The following USP42 variants were observed in gnomAD, a reference collection of about 807,000 sequenced individuals.
The protein encoded by USP42 is ubiquitin specific peptidase 42, also known as ubiquitin carboxyl-terminal hydrolase 42.
A neutral mutation model predicts 113.0 loss-of-function variants in USP42; 23 were observed. That is an observed-to-expected ratio of 0.20 (90% confidence interval 0.15 to 0.29). The LOEUF (loss-of-function observed/expected upper bound fraction) is 0.29, where lower values mean the gene tolerates loss of function less well. Among genes scored for constraint, USP42 ranks in the 10% least tolerant of loss-of-function variants. The probability of loss-of-function intolerance (pLI) is 1.00; values close to 1 mark genes in which losing one functional copy is unlikely to be tolerated. For synonymous variants in USP42, 933 were observed against 699.0 expected, an observed-to-expected ratio of 1.33 and a Z score of -5.28; for missense variants, 2,174 against 1,779.8, an observed-to-expected ratio of 1.22 and a Z score of -3.99.
chr7:6,105,800 A>G (rs1464346719), intron 1 of USP42, among the ~76,000 whole-genome samples: 1 of 152,206 alleles, frequency 6.6e-6, no homozygotes. Flanking sequence ...ATTGGACGGA[A>G]CAAGTTTTCC....
intron 1 of USP42, among the ~76,000 whole-genome samples, chr7:6,106,912 A>T (rs1339649093): frequency 6.6e-6 from 1 of 152,158 alleles, no homozygotes; most frequent in Non-Finnish European, 1.5e-5. Context: ...ATATCATCAG[A>T]AGCTGTTGCT....
rs1782580969 is a variant in USP42 at position 6,158,365 on chromosome 7, G to C, written c.3944-1085G>C. Among the ~76,000 whole-genome samples, 1 of 151,898 alleles carries C rather than the reference G, an allele frequency of 6.6e-6. No homozygotes were observed. The highest frequency in any genetic ancestry group is 1.5e-5 in the Non-Finnish European group (1 of 68,032). On this transcript the variant is annotated intron_variant, in intron 16 of 17. Transcript: ENST00000306177. This position sits in a 1 kb window ranked among gnomAD's most constrained non-coding sequence, Gnocchi z 4.2. ...CTGGACGCCCATTGTTTGTGTTCAC[G>C]TGTGAAGCGCATCCCCTCCTCCCAG...
At chr7:6,150,688 T>A (rs1293630573) in intron 14 of USP42, among the ~76,000 whole-genome samples, 182 bp downstream of exon 14, 1 of 152,208 alleles carries the variant, frequency 6.6e-6, no homozygotes, top group Admixed American at 6.5e-5. Flanking sequence ...AGAAAAAATG[T>A]GGCATACAGG....
chr7:6,149,920 C>G lies in USP42; in HGVS notation c.1724C>G (p.Ser575Cys), dbSNP rs1781941184. 2.5e-6 allele frequency: 4 copies of G among 1,613,936 alleles called. No individual in the cohort carries two copies. Among genetic ancestry groups the G allele is most frequent in the African/African-American group, 1.3e-5 (1 of 74,928 alleles). Residue 575 changes from serine to cysteine, a missense_variant, in exon 13 of 18, where the codon TCT becomes TGT. Ser to Cys is a moderately radical substitution (Grantham distance 112). Transcript: ENST00000306177. The part of the protein sequence containing the change: ...STSNASTMSV[S>C]SKVTKPIPRS... ...TCGAACGCATCTACGATGTCAGTTTCTAGTAAAGTAACAAAACCGATCCCC... is the reference window on the plus strand; with the variant it reads ...TCGAACGCATCTACGATGTCAGTTTGTAGTAAAGTAACAAAACCGATCCCC...
At chr7:6,102,933 G>A (rs574710481), upstream of USP42, among the ~76,000 whole-genome samples, 1 of 151,038 alleles carries the variant, frequency 6.6e-6, no homozygotes, top group Non-Finnish European at 1.5e-5. Context: ...TGGAATTGTT[G>A]AGCGAAGAAA....
chr7:6,139,322 T>C lies in USP42; in HGVS notation c.656+128T>C. The C allele has an allele frequency of 1.5e-6, 1 of 654,514 alleles. No homozygotes were observed. The highest frequency in any genetic ancestry group is 2.5e-6 in the Non-Finnish European group (1 of 408,120). 40.5% of individuals were successfully genotyped at this position (654,514 alleles called of 1,614,324 possible). A position where few individuals can be genotyped will look rare whatever the true frequency, so the allele number is the denominator to read the frequency against. ...ACAGTGTTCACTTTACCTTTTGGCT[T>C]TGCTCTGCCTCTTCCTTAGGTGATG... On this transcript the variant is annotated intron_variant, in intron 5 of 17. Coordinates refer to ENST00000306177, the MANE Select transcript of USP42 (RefSeq NM_032172.3). The surrounding 1 kb of genome is among the most constrained non-coding windows in gnomAD (Gnocchi z 4.5).
At chr7:6,152,757 C>A (rs555183240) in intron 14 of USP42, among the ~76,000 whole-genome samples, 1 of 152,168 alleles carries the variant, frequency 6.6e-6, no homozygotes, top group African/African-American at 2.4e-5. Flanking sequence ...GAAAGCTCTG[C>A]GGGAATCAAA....
Position 6,154,644 on chromosome 7 carries a change from G to GCA in USP42, c.3090_3091insCA (p.Asp1031GlnfsTer111), listed in dbSNP as rs1562857482. 1 of 1,605,438 alleles carries GCA rather than the reference G, an allele frequency of 6.2e-7. No individual in the cohort carries two copies. Among genetic ancestry groups the GCA allele is most frequent in the East Asian group, 2.2e-5 (1 of 44,562 alleles). On this transcript the variant is annotated frameshift_variant, in exon 15 of 18. Transcript: ENST00000306177. LOFTEE classifies it high-confidence loss of function. Reference sequence around the variant, plus strand: ...CCCGACACCGGAGCGGGGTGGAGCTGGACTGGGTCAGACACCACTACACCG... The same window carrying GCA: ...CCCGACACCGGAGCGGGGTGGAGCTGCAGACTGGGTCAGACACCACTACACCG...
intron 1 of USP42, 120 bp downstream of exon 1, chr7:6,105,152 G>A (rs1324081778): frequency 6.9e-6 from 1 of 145,936 alleles, no homozygotes; most frequent in African/African-American, 2.5e-5. Flanking sequence ...CCGGGGGCTG[G>A]TGCGGCCCCT....
chr7:6,089,963 T>G, the USP42 span, among the ~76,000 whole-genome samples: 3,926 of 150,596 alleles, frequency 0.026, 421 homozygotes, highest in African/African-American at 0.094. Context: ...ATCACCTCAC[T>G]GCACTCCAGC....
chr7:6,081,712 A>T, the USP42 span: 1 of 152,164 alleles, frequency 6.6e-6, no homozygotes, highest in Admixed American at 6.6e-5. Context: ...TGAGAGGGTG[A>T]TCGCGCTGCT....
At chr7:6,131,624 TG>T (rs1162912189) in intron 3 of USP42, among the ~76,000 whole-genome samples, 1 of 152,212 alleles carries the variant, frequency 6.6e-6, no homozygotes, top group Non-Finnish European at 1.5e-5. Flanking sequence ...AGCGGGATTT[TG>T]CTGGGCTTGG....
At chr7:6,140,467 C>G (rs1276310159) in intron 6 of USP42, among the ~76,000 whole-genome samples, 1 of 151,608 alleles carries the variant, frequency 6.6e-6, no homozygotes, top group Non-Finnish European at 1.5e-5. Context: ...GCACACAGGC[C>G]TAACAGCCTT....
At chr7:6,149,096 AGGAGAATGT>A (rs1262685317) in intron 12 of USP42, among the ~76,000 whole-genome samples, 3 of 152,190 alleles carry the variant, frequency 2.0e-5, no homozygotes, top group Non-Finnish European at 4.4e-5. Context: ...TCACTGCGTG[AGGAGAATGT>A]GGAGACGTTG....
chr7:6,120,891 A>G (rs1160560776), intron 3 of USP42, among the ~76,000 whole-genome samples: 1 of 152,218 alleles, frequency 6.6e-6, no homozygotes, highest in African/African-American at 2.4e-5. Flanking sequence ...GCTGGAATAA[A>G]TATTTTCATT....
At chr7:6,121,966 TTC>T (rs1292038922) in intron 3 of USP42, among the ~76,000 whole-genome samples, 1 of 152,230 alleles carries the variant, frequency 6.6e-6, no homozygotes, top group Non-Finnish European at 1.5e-5. Context: ...TGTCTCCTTT[TTC>T]GTTTGATCAA....
the USP42 span, among the ~76,000 whole-genome samples, chr7:6,095,042 C>T: frequency 1.7e-4 from 25 of 151,458 alleles, 1 homozygote; most frequent in African/African-American, 6.1e-4. Flanking sequence ...CCCGTCTGGG[C>T]CTCCCAAAGT....
Position 6,154,811 on chromosome 7 carries a change from C to T in USP42, c.3257C>T (p.Ala1086Val). 6.5e-7 allele frequency: 1 copy of T among 1,544,140 alleles called. No individual in the cohort carries two copies. Among genetic ancestry groups the T allele is most frequent in the Non-Finnish European group, 8.7e-7 (1 of 1,143,584 alleles). The change falls in exon 15 of 18, where the codon GCC becomes GTC. Residue 1086 changes from alanine to valine, a missense_variant. Physicochemically the swap from Ala to Val is moderately conservative, Grantham distance 64. Coordinates refer to ENST00000306177, the MANE Select transcript of USP42 (RefSeq NM_032172.3). Reference sequence around the variant, plus strand: ...CACGGCGGCCGCGAGCACGAGCGGGCCGGGCTGCACGAGCGGCCGCACAAG... The same window carrying T: ...CACGGCGGCCGCGAGCACGAGCGGGTCGGGCTGCACGAGCGGCCGCACAAG... ...PFHGGREHER[A>V]GLHERPHKDH... is the part of the protein sequence containing the mutation.
rs768509178 is a variant in USP42, at chr7:6,116,802, T to C, written c.442+1279T>C. On this transcript the variant is annotated intron_variant, in intron 3 of 17. Transcript: ENST00000306177. ...ATTTTCTCCCTTTCTCAGTCCATAA[T>C]TCATTCCCCACAGACAGCTTTCCTA... The C allele has an allele frequency of 5.3e-5, 28 of 533,270 alleles. 1 individual carries two copies. The highest frequency in any genetic ancestry group is 4.8e-4 in the Admixed American group (25 of 51,556). The allele number at this position is 533,270 out of a possible 1,614,324, so 33.0% of individuals were successfully genotyped here.
Sources: allele counts gnomAD v4.1 joint callset (sites outside exome capture counted in the v4.1 genomes callset), GRCh38; gene constraint gnomAD v4.1.1; non-coding constraint Gnocchi (gnomAD v3.1); transcripts MANE v1.5; gene names NCBI Gene and HGNC (gene_info 2026-07-23, HGNC 2026-07-21).